PHACTR2: variants seen among roughly 807,000 people sequenced by gnomAD.
PHACTR2 encodes chromosome 6 open reading frame 56.
PHACTR2 carries 30 observed loss-of-function variants against 76.0 expected under a neutral mutation model. The observed-to-expected ratio is 0.39, with a 90% CI of 0.30 to 0.54. The LOEUF (loss-of-function observed/expected upper bound fraction) is 0.54. Ranked by LOEUF, PHACTR2 falls within the 20% of genes least tolerant of loss-of-function variation. The probability of loss-of-function intolerance (pLI) is 0.61; values close to 1 mark genes in which losing one functional copy is unlikely to be tolerated. For synonymous variants in PHACTR2, 292 were observed against 292.5 expected, an observed-to-expected ratio of 1.00 and a Z score of 0.02; for missense variants, 696 against 781.1, an observed-to-expected ratio of 0.89 and a Z score of 1.30.
At position 143,580,240 on chromosome 6, in the gene PHACTR2, C is replaced by T. The variant is rs549490542; in HGVS notation, c.217+43033C>T. 6.6e-6 allele frequency among the ~76,000 whole-genome samples: 1 copy of T among 152,294 alleles called. No homozygotes were observed. The highest frequency in any genetic ancestry group is 6.5e-5 in the Admixed American group (1 of 15,296). ...GTGGCTCACTCCTGTAATCCCAGCACTTTGGGAGGCCAAGGCAGGCAGATC... is the reference window on the plus strand; with the variant it reads ...GTGGCTCACTCCTGTAATCCCAGCATTTTGGGAGGCCAAGGCAGGCAGATC... On this transcript the variant is annotated intron_variant, in intron 1 of 11. Coordinates refer to the PHACTR2 transcript ENST00000367584. The surrounding 1 kb of genome is among the most constrained non-coding windows in gnomAD (Gnocchi z 4.2).
Position 143,731,447 on chromosome 6 carries a change from C to T in PHACTR2, c.215-17538C>T, listed in dbSNP as rs1430276832. 6.6e-6 allele frequency among the ~76,000 whole-genome samples: 1 copy of T among 152,104 alleles called. No homozygotes were observed. Among genetic ancestry groups the T allele is most frequent in the African/African-American group, 2.4e-5 (1 of 41,412 alleles). ...GGATTATAGGCATGAGCCACCACGC[C>T]CGGCTAATTCTGTATTTTTAGTAGA... On this transcript the variant is annotated intron_variant, in intron 2 of 12. Transcript: ENST00000440869. The surrounding 1 kb of genome is among the most constrained non-coding windows in gnomAD (Gnocchi z 4.9).
rs11962438 is a variant in PHACTR2, at chr6:143,800,423, A to G, written c.1846-6634A>G. 6.1e-3 allele frequency among the ~76,000 whole-genome samples: 920 copies of G among 152,036 alleles called. 15 individuals carry two copies. The highest frequency in any genetic ancestry group is 0.021 in the African/African-American group (888 of 41,482). On this transcript the variant is annotated intron_variant, in intron 11 of 12. Transcript: ENST00000440869. This position sits in a 1 kb window ranked among gnomAD's most constrained non-coding sequence, Gnocchi z 4.8. ...ACTACAGGTGCCCGCCACCATGCCC[A>G]GTTAATTTTTTGTATTTTTAGTAGA...
rs528859270 is a variant in PHACTR2 at position 143,821,774 on chromosome 6, T to C, written c.1923-1900T>C. On this transcript the variant is annotated intron_variant, in intron 12 of 12. Transcript: ENST00000440869. The surrounding 1 kb of genome is among the most constrained non-coding windows in gnomAD (Gnocchi z 5.2). ...GCTGGGAGGCCGAGGACAGATTGCT[T>C]GAGTGCAGGAGTTTGAGAACAGCCT... is the stretch of plus-strand genomic sequence containing the variant. Among the ~76,000 whole-genome samples, 2 of 152,270 alleles carry C rather than the reference T, an allele frequency of 1.3e-5. No individual in the cohort carries two copies. Among genetic ancestry groups the C allele is most frequent in the African/African-American group, 2.4e-5 (1 of 41,566 alleles).
In PHACTR2 at chr6:143,760,034, A is replaced by T. The variant is rs1197098822; in HGVS notation, c.455-367A>T. On this transcript the variant is annotated intron_variant, in intron 4 of 12. Transcript: ENST00000440869. The surrounding 1 kb of genome is among the most constrained non-coding windows in gnomAD (Gnocchi z 6.4). ...CTCCAGGAGCCTTCAACTTTGTTAA[A>T]TCATTGTTTGTTCAATTTAAATGTA... 6.6e-6 allele frequency among the ~76,000 whole-genome samples: 1 copy of T among 152,162 alleles called. No individual in the cohort carries two copies. Among genetic ancestry groups the T allele is most frequent in the Non-Finnish European group, 1.5e-5 (1 of 68,032 alleles).
intron 2 of PHACTR2, among the ~76,000 whole-genome samples, chr6:143,735,988 C>T (rs7738780): frequency 0.23 from 34,162 of 150,702 alleles, 3,851 homozygotes; most frequent in East Asian, 0.34. Context: ...TGATAACTAA[C>T]TCATTGAGTA....
At chr6:143,587,783 G>A (rs1775644893) in intron 1 of PHACTR2, among the ~76,000 whole-genome samples, 1 of 152,110 alleles carries the variant, frequency 6.6e-6, no homozygotes, top group African/African-American at 2.4e-5. Context: ...GGAGGCTGAG[G>A]CGGGCGGATC....
chr6:143,729,804 TTG>T (rs918642796), intron 2 of PHACTR2, among the ~76,000 whole-genome samples: 5 of 152,184 alleles, frequency 3.3e-5, no homozygotes, highest in African/African-American at 4.8e-5. Flanking sequence ...CTCTAGTAGC[TTG>T]TCTTTCCATT....
At chr6:143,538,259 G>A (rs1161467995) in intron 1 of PHACTR2, among the ~76,000 whole-genome samples, 11 of 152,322 alleles carry the variant, frequency 7.2e-5, no homozygotes, top group Non-Finnish European at 1.0e-4. Flanking sequence ...TGTGACGTTG[G>A]GCAAATCACT....
rs755258065 is a variant in PHACTR2, at chr6:143,807,162, G to C, written c.1922+29G>C. 44 of 1,363,872 alleles carry C rather than the reference G, an allele frequency of 3.2e-5. No homozygotes were observed. Among genetic ancestry groups the C allele is most frequent in the Non-Finnish European group, 4.6e-5 (44 of 962,250 alleles). 84.5% of individuals were successfully genotyped at this position (1,363,872 alleles called of 1,614,324 possible). On this transcript the variant is annotated intron_variant, in intron 12 of 12. Transcript: ENST00000440869. The surrounding 1 kb of genome is among the most constrained non-coding windows in gnomAD (Gnocchi z 5.5). ...GGTGACAAAATGCAGCTTAGAAATT[G>C]AAAATGCTTAAGATGTGATCCCATG...
rs570265997 is a variant in PHACTR2, at chr6:143,753,681, T to C, written c.296-73T>C. On this transcript the variant is annotated intron_variant, in intron 3 of 12. Transcript: ENST00000440869. The surrounding 1 kb of genome is among the most constrained non-coding windows in gnomAD (Gnocchi z 4.6). ...TGAAACATGAATCTAAATTTTACAA[T>C]CCTAGTAACTGGAAAACTTGTTTTT... The C allele has an allele frequency of 4.7e-6, 5 of 1,058,778 alleles. No homozygotes were observed. The highest frequency in any genetic ancestry group is 3.2e-5 in the South Asian group (2 of 62,550). 65.6% of individuals were successfully genotyped at this position (1,058,778 alleles called of 1,614,324 possible).
At position 143,730,906 on chromosome 6, in the gene PHACTR2, C is replaced by T. The variant is rs1047260424; in HGVS notation, c.215-18079C>T. Among the ~76,000 whole-genome samples, 6 of 152,054 alleles carry T rather than the reference C, an allele frequency of 3.9e-5. No individual in the cohort carries two copies. Among genetic ancestry groups the T allele is most frequent in the African/African-American group, 1.4e-4 (6 of 41,408 alleles). ...GGGACTACAGGCACGTGCCACTGCA[C>T]CTGGCTAATTTTTGTATTTTTAGTA... is the stretch of plus-strand genomic sequence containing the variant. On this transcript the variant is annotated intron_variant, in intron 2 of 12. Transcript: ENST00000440869. This position sits in a 1 kb window ranked among gnomAD's most constrained non-coding sequence, Gnocchi z 4.8.
rs1172494670 is a variant in PHACTR2 at position 143,625,394 on chromosome 6, ATTAG to A, written c.13+17076_13+17079del. 4.6e-5 allele frequency among the ~76,000 whole-genome samples: 7 copies of A among 152,188 alleles called. No individual in the cohort carries two copies. The highest frequency in any genetic ancestry group is 8.8e-5 in the Non-Finnish European group (6 of 68,030). ...AAATAAATATTTAAGTTATAAATTTATTAGTTATTTATAACTTAATCTTTATAAG... is the reference window on the plus strand; with the variant it reads ...AAATAAATATTTAAGTTATAAATTTATTATTTATAACTTAATCTTTATAAG... On this transcript the variant is annotated intron_variant, in intron 1 of 11. Transcript: ENST00000305766. The surrounding 1 kb of genome is among the most constrained non-coding windows in gnomAD (Gnocchi z 4.3).
intron 1 of PHACTR2, among the ~76,000 whole-genome samples, chr6:143,574,887 C>A (rs1391397017): frequency 2.0e-5 from 3 of 152,166 alleles, no homozygotes; most frequent in Non-Finnish European, 4.4e-5. Context: ...ACAACAACAA[C>A]AACCTCCTAC....
In PHACTR2 at chr6:143,753,214, G is replaced by A. The variant is rs1391486810; in HGVS notation, c.296-540G>A. On this transcript the variant is annotated intron_variant, in intron 3 of 12. Coordinates refer to ENST00000440869, the MANE Select transcript of PHACTR2 (RefSeq NM_001100164.2). The surrounding 1 kb of genome is among the most constrained non-coding windows in gnomAD (Gnocchi z 4.6). ...CTATCATGTTTTCCCTGAACATAGA[G>A]TAGCAGTTATATTACTGTGTGAAGT... is the stretch of plus-strand genomic sequence containing the variant. Among the ~76,000 whole-genome samples the A allele has an allele frequency of 1.3e-5, 2 of 152,074 alleles. No homozygotes were observed. Among genetic ancestry groups the A allele is most frequent in the African/African-American group, 4.8e-5 (2 of 41,418 alleles).
Position 143,624,253 on chromosome 6 carries a change from C to G in PHACTR2, c.13+15931C>G, listed in dbSNP as rs980435125. ...TCCCGAGTAGCTGGGATTACAGGTG[C>G]CTGCCACCACACCTGACTAATTTTT... On this transcript the variant is annotated intron_variant, in intron 1 of 11. Transcript: ENST00000305766. The surrounding 1 kb of genome is among the most constrained non-coding windows in gnomAD (Gnocchi z 4.6). Among the ~76,000 whole-genome samples, 1 of 152,034 alleles carries G rather than the reference C, an allele frequency of 6.6e-6. No homozygotes were observed. Among genetic ancestry groups the G allele is most frequent in the South Asian group, 2.1e-4 (1 of 4,824 alleles).
chr6:143,625,446 C>T lies in PHACTR2; in HGVS notation c.13+17124C>T, dbSNP rs1776239864. Reference sequence around the variant, plus strand: ...AAGCAAATATTATTTATAACTTAAGCCACATACCGTGAAAATAAACTACTC... The same window carrying T: ...AAGCAAATATTATTTATAACTTAAGTCACATACCGTGAAAATAAACTACTC... On this transcript the variant is annotated intron_variant, in intron 1 of 11. Coordinates refer to the PHACTR2 transcript ENST00000305766. This position sits in a 1 kb window ranked among gnomAD's most constrained non-coding sequence, Gnocchi z 4.3. 6.6e-6 allele frequency among the ~76,000 whole-genome samples: 1 copy of T among 151,814 alleles called. No homozygotes were observed.
chr6:143,634,050 C>T (rs1776409458), intron 1 of PHACTR2, among the ~76,000 whole-genome samples: 1 of 152,184 alleles, frequency 6.6e-6, no homozygotes, highest in Non-Finnish European at 1.5e-5. Flanking sequence ...TTTTACTGTA[C>T]TACGGCAGGT....
At chr6:143,701,184 G>A (rs888831123) in intron 1 of PHACTR2, among the ~76,000 whole-genome samples, 15 of 152,104 alleles carry the variant, frequency 9.9e-5, no homozygotes, top group African/African-American at 2.9e-4. Context: ...AAACATATTC[G>A]TTCTGCAGGC....
rs1246242778 is a variant in PHACTR2, at chr6:143,625,918, G to T, written c.13+17596G>T. 6.6e-6 allele frequency among the ~76,000 whole-genome samples: 1 copy of T among 152,182 alleles called. No homozygotes were observed. Among genetic ancestry groups the T allele is most frequent in the Non-Finnish European group, 1.5e-5 (1 of 68,032 alleles). The stretch of plus-strand genomic sequence containing the variant: ...GTGGTGGGGCAGGGACAACTGAAGA[G>T]CTCTTTTAGGTAAGGTGAGTTTCTT... On this transcript the variant is annotated intron_variant, in intron 1 of 11. Coordinates refer to the PHACTR2 transcript ENST00000305766. The surrounding 1 kb of genome is among the most constrained non-coding windows in gnomAD (Gnocchi z 4.3).
Sources: gnomAD v4.1 joint callset for allele counts (sites outside exome capture counted in the v4.1 genomes callset) on GRCh38, gnomAD v4.1.1 for gene constraint, Gnocchi (gnomAD v3.1) non-coding constraint, MANE v1.5 for transcripts, NCBI Gene and HGNC (gene_info 2026-07-23, HGNC 2026-07-21) for gene names.